Variants in NOS1AP observed in about 807,000 individuals in gnomAD.
The protein encoded by NOS1AP is nitric oxide synthase 1 adaptor protein.
In NOS1AP, 21 loss-of-function variants were observed where a neutral mutation model predicts 56.2. The observed-to-expected ratio is 0.37, with a 90% confidence interval of 0.26 to 0.54. The LOEUF (loss-of-function observed/expected upper bound fraction) is 0.54. NOS1AP is among the 20% of genes least tolerant of loss of function. The pLI, the probability that NOS1AP is intolerant of heterozygous loss-of-function variation, is 0.84. For synonymous variants in NOS1AP, 270 were observed against 274.6 expected, an observed-to-expected ratio of 0.98 and a Z score of 0.17; for missense variants, 522 against 657.8, an observed-to-expected ratio of 0.79 and a Z score of 2.26.
intron 2 of NOS1AP, among the ~76,000 whole-genome samples, chr1:162,174,123 G>A (rs571735670): frequency 3.1e-4 from 47 of 152,062 alleles, no homozygotes; most frequent in African/African-American, 1.0e-3. Context: ...TGTTTATTGC[G>A]GCACTATTCA....
intron 1 of NOS1AP, among the ~76,000 whole-genome samples, chr1:162,072,051 C>A (rs1333884603): frequency 2.1e-5 from 3 of 143,964 alleles, no homozygotes; most frequent in African/African-American, 7.9e-5. Flanking sequence ...CAGAATGAGA[C>A]CCTGTCTCAG....
chr1:162,365,634 T>C lies in NOS1AP; in HGVS notation c.1105+65T>C, dbSNP rs1964052. The C allele has an allele frequency of 0.85, 1,356,734 of 1,591,912 alleles. 584,921 individuals are homozygous for C. Among genetic ancestry groups the C allele is most frequent in the Non-Finnish European group, 0.89 (1,042,652 of 1,176,226 alleles). On this transcript the variant is annotated intron_variant, in intron 9 of 9. Transcript: ENST00000361897. ...GGCTCTGGAAAGAGTGTCACTTTCC[T>C]TAAGTTTTTGGTGGTGCTTTCTTGG...
chr1:162,202,843 G>A (rs774887523), intron 2 of NOS1AP, among the ~76,000 whole-genome samples: 1 of 152,114 alleles, frequency 6.6e-6, no homozygotes, highest in Non-Finnish European at 1.5e-5. Context: ...AACTATATTG[G>A]CTTAGATATC....
At position 162,189,064 on chromosome 1, in the gene NOS1AP, T is replaced by A. The variant is rs191148266; in HGVS notation, c.177+34588T>A. On this transcript the variant is annotated intron_variant, in intron 2 of 9. Coordinates refer to ENST00000361897, the MANE Select transcript of NOS1AP (RefSeq NM_014697.3). ...AGAGTGAGACTTCATCTTGAAAAAATAAATAAATAAATAAATAAAAAGATT... is the reference window on the plus strand; with the variant it reads ...AGAGTGAGACTTCATCTTGAAAAAAAAAATAAATAAATAAATAAAAAGATT... 3.7e-3 allele frequency among the ~76,000 whole-genome samples: 523 copies of A among 141,646 alleles called. 4 individuals carry two copies. Among genetic ancestry groups the A allele is most frequent in the African/African-American group, 0.012 (481 of 40,548 alleles). The allele number at this position is 141,646 out of a possible 152,430, so 92.9% of individuals were successfully genotyped here.
intron 2 of NOS1AP, among the ~76,000 whole-genome samples, chr1:162,210,517 T>C (rs909525265): frequency 6.6e-6 from 1 of 152,248 alleles, no homozygotes; most frequent in African/African-American, 2.4e-5. Context: ...ATGACTGTCA[T>C]ATCACCGAGC....
At chr1:162,213,796 C>G (rs778463994) in intron 2 of NOS1AP, among the ~76,000 whole-genome samples, 1 of 152,192 alleles carries the variant, frequency 6.6e-6, no homozygotes, top group Non-Finnish European at 1.5e-5. Context: ...CGCCGCCGCT[C>G]GTGTAGTTCT....
At chr1:162,113,712 G>A (rs1024442133) in intron 1 of NOS1AP, among the ~76,000 whole-genome samples, 11 of 152,000 alleles carry the variant, frequency 7.2e-5, no homozygotes, top group African/African-American at 2.7e-4. Context: ...CACCAAATGG[G>A]GAAATCCGCC....
intron 4 of NOS1AP, among the ~76,000 whole-genome samples, chr1:162,308,508 C>T (rs1411077117): frequency 6.6e-6 from 1 of 152,060 alleles, no homozygotes; most frequent in African/African-American, 2.4e-5. Flanking sequence ...GATAACCAGG[C>T]GGGGCTGGTG....
At chr1:162,248,109 C>A (rs1469937025) in intron 2 of NOS1AP, among the ~76,000 whole-genome samples, 1 of 151,952 alleles carries the variant, frequency 6.6e-6, no homozygotes, top group Non-Finnish European at 1.5e-5. Context: ...ACAACGAGAT[C>A]CCACCTCTAA....
chr1:162,319,935 C>T (rs1168832256), intron 4 of NOS1AP, among the ~76,000 whole-genome samples: 1 of 152,216 alleles, frequency 6.6e-6, no homozygotes, highest in Non-Finnish European at 1.5e-5. Flanking sequence ...CCTGCCACCT[C>T]CCACGTTGTC....
intron 2 of NOS1AP, among the ~76,000 whole-genome samples, chr1:162,275,069 G>A (rs1229605448): frequency 6.6e-6 from 1 of 152,144 alleles, no homozygotes; most frequent in African/African-American, 2.4e-5. Context: ...TTAATTTTAT[G>A]AAGTTCAATT....
At chr1:162,334,120 A>G (rs966934987) in intron 5 of NOS1AP, among the ~76,000 whole-genome samples, 3 of 152,180 alleles carry the variant, frequency 2.0e-5, no homozygotes, top group Admixed American at 1.3e-4. Context: ...GTACCTTGTC[A>G]ATAACACATG....
Position 162,355,221 on chromosome 1 carries a change from G to C in NOS1AP, c.630G>C (p.Thr210=). ...RQLTGAERAS[T]ATAEETDIDA... ...TCACTGGAGCCGAGAGGGCCTCCAC[G>C]GCCACTGCAGAGGAGACTGACATCG... Residue 210 remains threonine (T), a synonymous_variant, in exon 7 of 10, where the codon ACG becomes ACC. Transcript: ENST00000361897. 1.9e-6 allele frequency: 3 copies of C among 1,614,104 alleles called. No homozygotes were observed. Among genetic ancestry groups the C allele is most frequent in the South Asian group, 1.1e-5 (1 of 91,076 alleles).
intron 2 of NOS1AP, 22 bp downstream of exon 2, chr1:162,154,498 G>A: frequency 6.2e-7 from 1 of 1,612,974 alleles, no homozygotes. Context: ...GAGGTGGACT[G>A]TGTGGAGCGG....
intron 4 of NOS1AP, among the ~76,000 whole-genome samples, chr1:162,331,087 A>G (rs1656752611): frequency 6.6e-6 from 1 of 152,166 alleles, no homozygotes; most frequent in African/African-American, 2.4e-5. Context: ...GGTTGGCTGA[A>G]TGGGCCTGGA....
At chr1:162,300,154 A>G (rs1281698710) in intron 3 of NOS1AP, among the ~76,000 whole-genome samples, 2 of 152,042 alleles carry the variant, frequency 1.3e-5, no homozygotes, top group African/African-American at 4.8e-5. Flanking sequence ...TTGGCCGCTG[A>G]CCCTAATGGC....
At chr1:162,154,882 GA>G (rs1275132114) in intron 2 of NOS1AP, among the ~76,000 whole-genome samples, 1 of 152,120 alleles carries the variant, frequency 6.6e-6, no homozygotes, top group Non-Finnish European at 1.5e-5. Flanking sequence ...TCGAACTGCA[GA>G]ACTCAGGCAA....
intron 2 of NOS1AP, among the ~76,000 whole-genome samples, chr1:162,278,137 C>T (rs1654802754): frequency 6.6e-6 from 1 of 152,216 alleles, no homozygotes; most frequent in Non-Finnish European, 1.5e-5. Context: ...GACCTGGCCT[C>T]ACCAAATGCC....
chr1:162,329,871 A>T (rs1656709637), intron 4 of NOS1AP, among the ~76,000 whole-genome samples: 1 of 152,236 alleles, frequency 6.6e-6, no homozygotes, highest in Non-Finnish European at 1.5e-5. Context: ...GAGATTATTT[A>T]CTTTTAATAA....
Sources: allele counts gnomAD v4.1 joint callset (sites outside exome capture counted in the v4.1 genomes callset), GRCh38; gene constraint gnomAD v4.1.1; transcripts MANE v1.5; gene names NCBI Gene and HGNC (gene_info 2026-07-23, HGNC 2026-07-21).